The following MYLK variants were observed in gnomAD, a reference collection of about 807,000 sequenced individuals.
MYLK encodes the protein myosin light chain kinase, smooth muscle.
A neutral mutation model predicts 203.4 loss-of-function variants in MYLK; 106 were observed. The ratio of observed to expected loss-of-function variants is 0.52; its 90% CI spans 0.45 to 0.61. The LOEUF (loss-of-function observed/expected upper bound fraction) is 0.61, where lower values mean the gene tolerates loss of function less well. MYLK is among the 20% of genes least tolerant of loss of function. The probability of loss-of-function intolerance (pLI) is 0.00; values close to 1 mark genes in which losing one functional copy is unlikely to be tolerated. For missense variants in MYLK, 2,072 were observed against 2,442.3 expected, an observed-to-expected ratio of 0.85 and a Z score of 3.20; for synonymous variants, 867 against 959.5, an observed-to-expected ratio of 0.90 and a Z score of 1.78.
At chr3:123,652,377 T>C (rs1231202361) in intron 24 of MYLK, among the ~76,000 whole-genome samples, 2 of 152,208 alleles carry the variant, frequency 1.3e-5, no homozygotes, top group African/African-American at 4.8e-5. Context: ...TCTGAGATAT[T>C]TCTGCAAACA....
chr3:123,740,016 G>A lies in MYLK; in HGVS notation c.374-15C>T, dbSNP rs1361307801. 6.2e-7 allele frequency: 1 copy of A among 1,613,690 alleles called. No homozygotes were observed. The highest frequency in any genetic ancestry group is 8.5e-7 in the Non-Finnish European group (1 of 1,179,656). On this transcript the variant is annotated splice_polypyrimidine_tract_variant and intron_variant, in intron 5 of 33. Transcript: ENST00000360304. ...CGCAAAACTTCCTGCAAGAAAAAGAGTTGATGAGTCAGGTCTGAGCCACCA... is the reference window on the plus strand; with the variant it reads ...CGCAAAACTTCCTGCAAGAAAAAGAATTGATGAGTCAGGTCTGAGCCACCA...
At chr3:123,837,842 G>A (rs1291665321) in intron 2 of MYLK, among the ~76,000 whole-genome samples, 1 of 151,798 alleles carries the variant, frequency 6.6e-6, no homozygotes. Flanking sequence ...TTTTGAAGAT[G>A]AGTCAACAGA....
intron 13 of MYLK, among the ~76,000 whole-genome samples, chr3:123,713,179 G>A (rs1006103345): frequency 6.6e-6 from 1 of 152,132 alleles, no homozygotes; most frequent in African/African-American, 2.4e-5. Context: ...CCTGTGTTTT[G>A]TTCCCCAAAG....
chr3:123,816,382 G>A (rs1199355859), intron 3 of MYLK, among the ~76,000 whole-genome samples: 3 of 152,224 alleles, frequency 2.0e-5, no homozygotes, highest in Non-Finnish European at 2.9e-5. Context: ...CAGAGGTCAT[G>A]AGGACTGAAG....
At chr3:123,679,317 A>C (rs1254139696) in intron 20 of MYLK, among the ~76,000 whole-genome samples, 4 of 151,752 alleles carry the variant, frequency 2.6e-5, no homozygotes, top group Admixed American at 6.6e-5. Context: ...AAAAAAAAAA[A>C]AAAAACAAAA....
chr3:123,794,213 T>C (rs1044143382), intron 3 of MYLK, among the ~76,000 whole-genome samples: 1 of 152,204 alleles, frequency 6.6e-6, no homozygotes, highest in African/African-American at 2.4e-5. Context: ...TATTTAATAG[T>C]CACTAACTCT....
At chr3:123,749,074 A>AATAC (rs60797453) in intron 5 of MYLK, among the ~76,000 whole-genome samples, 97,188 of 142,070 alleles carry the variant, frequency 0.68, 35,210 homozygotes, top group East Asian at 0.84. Context: ...GTCTCAGAAA[A>AATAC]ATACATACAT....
chr3:123,845,531 C>T (rs939759849), intron 2 of MYLK, among the ~76,000 whole-genome samples: 1 of 152,164 alleles, frequency 6.6e-6, no homozygotes, highest in Non-Finnish European at 1.5e-5. Context: ...CACTCTGTTG[C>T]TCAGGTTGGA....
chr3:123,728,491 A>T (rs2062369101), intron 11 of MYLK, among the ~76,000 whole-genome samples: 1 of 152,162 alleles, frequency 6.6e-6, no homozygotes, highest in South Asian at 2.1e-4. Flanking sequence ...TGGGTGACAG[A>T]GCGAGACTCT....
chr3:123,684,587 C>T (rs2060385257), intron 19 of MYLK, among the ~76,000 whole-genome samples: 1 of 152,124 alleles, frequency 6.6e-6, no homozygotes, highest in Non-Finnish European at 1.5e-5. Context: ...CACTCTGTCA[C>T]CCAGGCTGGA....
chr3:123,817,944 T>C (rs1196310542), intron 3 of MYLK, among the ~76,000 whole-genome samples: 1 of 152,010 alleles, frequency 6.6e-6, no homozygotes, highest in Non-Finnish European at 1.5e-5. Flanking sequence ...GTTAGCAGGG[T>C]CAGCTCTCTT....
At position 123,684,453 on chromosome 3, in the gene MYLK, C is replaced by T. The variant is rs76829183; in HGVS notation, c.3566-2143G>A. Among the ~76,000 whole-genome samples, 272 of 152,276 alleles carry T rather than the reference C, an allele frequency of 1.8e-3. 1 individual carries two copies. Among genetic ancestry groups the T allele is most frequent in the African/African-American group, 5.9e-3 (245 of 41,560 alleles). On this transcript the variant is annotated intron_variant, in intron 19 of 33. Transcript: ENST00000360304. ...GGAGTCAGTCTAAGCTTCCCTTGTC[C>T]GGGCCTCTCCCTTCTTCCCTTCCTT...
At position 123,682,236 on chromosome 3, in the gene MYLK, G is replaced by T; in HGVS notation, c.3640C>A (p.Leu1214Ile). Reference protein sequence around the residue: ...RRPKSSLPPVLGTESDATVKK... With the variant: ...RRPKSSLPPVIGTESDATVKK... ...GGCGAGTACTCACTCTCAGTTCCTA[G>T]CACGGGAGGAAGAGAGCTCTTGGGC... The change falls in exon 20 of 34, where the codon CTA becomes ATA. Residue 1214 changes from leucine (L) to isoleucine (I), a missense_variant. This residue lies in a region of MYLK where 865 missense variants were observed against 1,016.0 expected (regional missense o/e 0.85). Transcript: ENST00000360304. 1 of 1,600,422 alleles carries T rather than the reference G, an allele frequency of 6.2e-7. No homozygotes were observed. The highest frequency in any genetic ancestry group is 8.5e-7 in the Non-Finnish European group (1 of 1,173,620).
At chr3:123,747,430 T>C (rs2063054662) in intron 5 of MYLK, among the ~76,000 whole-genome samples, 1 of 152,092 alleles carries the variant, frequency 6.6e-6, no homozygotes, top group South Asian at 2.1e-4. Context: ...GCTTGGACCA[T>C]CTGGGAGGGG....
intron 4 of MYLK, among the ~76,000 whole-genome samples, chr3:123,760,305 A>G (rs1252520993): frequency 6.6e-6 from 1 of 152,104 alleles, no homozygotes; most frequent in Non-Finnish European, 1.5e-5. Flanking sequence ...CAGCCTCCCG[A>G]GTAGCTGGGA....
intron 32 of MYLK, 52 bp from the exon 33 acceptor site, chr3:123,618,822 T>G: frequency 1.2e-6 from 2 of 1,611,832 alleles, no homozygotes; most frequent in Non-Finnish European, 1.7e-6. Context: ...TGTTCTCGCC[T>G]CGCCTCTAGC....
intron 4 of MYLK, among the ~76,000 whole-genome samples, chr3:123,757,024 C>T (rs1052798470): frequency 5.9e-5 from 9 of 152,180 alleles, no homozygotes; most frequent in African/African-American, 1.2e-4. Context: ...TCTGTGCTTG[C>T]TGAAGGTTGA....
chr3:123,699,995 T>A, intron 18 of MYLK, 25 bp downstream of exon 18: 1 of 1,614,066 alleles, frequency 6.2e-7, no homozygotes, highest in African/African-American at 1.3e-5. Flanking sequence ...AGGCCCCTTC[T>A]TCCCCAACCC....
chr3:123,801,239 G>C (rs2065184825), intron 3 of MYLK, among the ~76,000 whole-genome samples: 1 of 152,158 alleles, frequency 6.6e-6, no homozygotes, highest in African/African-American at 2.4e-5. Context: ...AAAATAACTT[G>C]GACCTCAAGG....
Sources: gnomAD v4.1 joint callset for allele counts (sites outside exome capture counted in the v4.1 genomes callset) on GRCh38, gnomAD v4.1.1 for gene constraint, gnomAD v4.1.1 regional missense constraint, MANE v1.5 for transcripts, NCBI Gene and HGNC (gene_info 2026-07-23, HGNC 2026-07-21) for gene names.